EXOC5: variants seen among roughly 807,000 people sequenced by gnomAD.
EXOC5 encodes exocyst complex component 5.
In EXOC5, 17 loss-of-function variants were observed where a neutral mutation model predicts 90.8. That is an observed-to-expected ratio of 0.19 (90% CI 0.13 to 0.28). The LOEUF (loss-of-function observed/expected upper bound fraction) is 0.28, where lower values mean the gene tolerates loss of function less well. Among genes scored for constraint, EXOC5 ranks in the 10% least tolerant of loss-of-function variants. EXOC5 has a pLI of 1.00. For missense variants in EXOC5, 569 were observed against 830.6 expected, an observed-to-expected ratio of 0.69 and a Z score of 3.87; for synonymous variants, 260 against 270.0, an observed-to-expected ratio of 0.96 and a Z score of 0.36.
At chr14:57,240,947 G>C (rs1317799393) in intron 4 of EXOC5, among the ~76,000 whole-genome samples, 2 of 151,846 alleles carry the variant, frequency 1.3e-5, no homozygotes, top group African/African-American at 4.8e-5. Context: ...CCACCTCCTG[G>C]GTTCAAGCAA....
At chr14:57,237,779 C>T (rs907669576) in intron 5 of EXOC5, 3 of 154,066 alleles carry the variant, frequency 1.9e-5, no homozygotes, top group East Asian at 3.8e-4. Flanking sequence ...GTCTCCCTCC[C>T]CATTCCCATG....
intron 1 of EXOC5, among the ~76,000 whole-genome samples, chr14:57,263,739 T>TAA (rs550651836): frequency 5.6e-4 from 22 of 39,210 alleles, no homozygotes; most frequent in Admixed American, 1.1e-3. Context: ...CACTCCAGCC[T>TAA]AAAAAAAAAA....
At chr14:57,244,067 T>C (rs1046130457) in intron 4 of EXOC5, 98 bp downstream of exon 4, 10 of 745,972 alleles carry the variant, frequency 1.3e-5, no homozygotes, top group Non-Finnish European at 2.0e-5. Context: ...AGCTACTCAG[T>C]GATTTGAAGT....
At chr14:57,211,653 A>C (rs905684535) in intron 15 of EXOC5, 2 of 152,266 alleles carry the variant, frequency 1.3e-5, no homozygotes, top group African/African-American at 4.8e-5. Context: ...TGGGAGGATC[A>C]CTTGAGGGCA....
intron 7 of EXOC5, 100 bp from the exon 8 acceptor site, chr14:57,234,132 C>T: frequency 1.2e-6 from 1 of 841,530 alleles, no homozygotes; most frequent in Non-Finnish European, 1.9e-6. Flanking sequence ...GACTATTTAC[C>T]AGTAAATGGC....
chr14:57,252,456 G>A (rs950133323), intron 1 of EXOC5, among the ~76,000 whole-genome samples: 2 of 151,990 alleles, frequency 1.3e-5, no homozygotes, highest in African/African-American at 4.8e-5. Context: ...AAACAACCTG[G>A]ATTTTAAAAA....
chr14:57,247,956 ACT>A (rs1030781586), intron 1 of EXOC5, among the ~76,000 whole-genome samples: 9 of 152,032 alleles, frequency 5.9e-5, no homozygotes, highest in African/African-American at 2.2e-4. Context: ...AACTGGAACA[ACT>A]CAACAGAAAA....
chr14:57,261,967 T>A (rs1410082612), intron 1 of EXOC5, among the ~76,000 whole-genome samples: 1 of 152,126 alleles, frequency 6.6e-6, no homozygotes, highest in Admixed American at 6.5e-5. Flanking sequence ...GGCATAAACA[T>A]CACAATGTAG....
chr14:57,218,290 A>C (rs959880563), intron 14 of EXOC5, among the ~76,000 whole-genome samples: 7 of 152,216 alleles, frequency 4.6e-5, no homozygotes, highest in South Asian at 2.1e-4. Context: ...ACCGATTAAA[A>C]GGGAAGGAAG....
intron 9 of EXOC5, among the ~76,000 whole-genome samples, chr14:57,233,495 T>A (rs986155043): frequency 6.6e-6 from 1 of 152,060 alleles, no homozygotes; most frequent in South Asian, 2.1e-4. Context: ...CACAATATAT[T>A]ATACTACTAC....
chr14:57,258,479 T>C (rs939096872), intron 1 of EXOC5, among the ~76,000 whole-genome samples: 11 of 151,970 alleles, frequency 7.2e-5, no homozygotes, highest in East Asian at 1.9e-4. Context: ...TTCTCACTCA[T>C]AAGTGGAAGC....
intron 7 of EXOC5, among the ~76,000 whole-genome samples, chr14:57,234,510 CGTGTGTGTGTGTGTGT>C (rs375548706): frequency 3.1e-5 from 4 of 130,632 alleles, no homozygotes; most frequent in Non-Finnish European, 3.3e-5. Flanking sequence ...TGTATATATA[CGTGTGTGTGTGTGTGT>C]GTGTGTGTGT....
At chr14:57,232,887 A>G (rs1304596793) in intron 9 of EXOC5, 138 bp from the exon 10 acceptor site, 1 of 518,338 alleles carries the variant, frequency 1.9e-6, no homozygotes. Flanking sequence ...GCAATTACAG[A>G]AAACAAACCA....
In EXOC5 at chr14:57,232,647, T is replaced by C. The variant is rs769996733; in HGVS notation, c.938+20A>G. 11 of 1,066,254 alleles carry C rather than the reference T, an allele frequency of 1.0e-5. No individual in the cohort carries two copies. The highest frequency in any genetic ancestry group is 1.5e-5 in the South Asian group (1 of 66,458). The allele number at this position is 1,066,254 out of a possible 1,614,324, so 66.0% of individuals were successfully genotyped here. A position where few individuals can be genotyped will look rare whatever the true frequency, so the allele number is the denominator to read the frequency against. ...TTAAAAAATCTGTTATCTATTATTT[T>C]CTAATCATTAAAAATTTACCTTGTA... On this transcript the variant is annotated intron_variant, in intron 10 of 17. Coordinates refer to ENST00000621441, the MANE Select transcript of EXOC5 (RefSeq NM_006544.4).
chr14:57,221,760 T>C (rs953749287), intron 13 of EXOC5, among the ~76,000 whole-genome samples: 1 of 151,946 alleles, frequency 6.6e-6, no homozygotes, highest in Non-Finnish European at 1.5e-5. Context: ...AAGGAACAGG[T>C]TTAGAGGGAA....
At chr14:57,237,441 A>C in intron 5 of EXOC5, 75 bp from the exon 6 acceptor site, 1 of 900,970 alleles carries the variant, frequency 1.1e-6, no homozygotes, top group South Asian at 1.5e-5. Context: ...TGCTAACCAA[A>C]TGGGAAACTG....
intron 17 of EXOC5, among the ~76,000 whole-genome samples, chr14:57,209,322 AAG>A: frequency 6.6e-6 from 1 of 152,004 alleles, no homozygotes; most frequent in Admixed American, 6.6e-5. Flanking sequence ...GCCCAGGAGT[AAG>A]AGACCAGCCT....
intron 1 of EXOC5, 125 bp downstream of exon 1, chr14:57,268,495 TTC>T: frequency 1.3e-6 from 2 of 1,503,670 alleles, no homozygotes; most frequent in Non-Finnish European, 1.8e-6. Context: ...ACCCCAACCC[TTC>T]TGTTTCGCAC....
intron 12 of EXOC5, among the ~76,000 whole-genome samples, chr14:57,227,112 G>A (rs932030390): frequency 3.3e-5 from 5 of 151,992 alleles, no homozygotes; most frequent in Admixed American, 2.6e-4. Context: ...TAAAACACAC[G>A]ATTGATTTAA....
Sources: gnomAD v4.1 joint callset for allele counts (sites outside exome capture counted in the v4.1 genomes callset) on GRCh38, gnomAD v4.1.1 for gene constraint, MANE v1.5 for transcripts, NCBI Gene and HGNC (gene_info 2026-07-23, HGNC 2026-07-21) for gene names.